SSPN: variants seen among roughly 807,000 people sequenced by gnomAD.
SSPN encodes sarcospan.
Under a neutral mutation model 19.1 loss-of-function variants are expected in SSPN, and 15 were observed. The ratio of observed to expected loss-of-function variants is 0.78; its 90% CI spans 0.52 to 1.21. The LOEUF is 1.21. Among genes scored for constraint, SSPN ranks in the 50% most tolerant of loss-of-function variants. The pLI is 0.00. For synonymous variants in SSPN, 147 were observed against 140.3 expected (o/e 1.05, Z -0.34); for missense variants, 291 against 314.0 (o/e 0.93, Z 0.55).
intron 1 of SSPN, among the ~76,000 whole-genome samples, chr12:26,209,088 C>T (rs1349347314): frequency 6.6e-6 from 1 of 151,676 alleles, no homozygotes; most frequent in African/African-American, 2.4e-5. Context: ...TTAGAATAGG[C>T]TTTTCAAGTT....
intron 1 of SSPN, among the ~76,000 whole-genome samples, chr12:26,182,808 G>C (rs1944728408): frequency 6.7e-6 from 1 of 149,798 alleles, no homozygotes; most frequent in African/African-American, 2.5e-5. Context: ...AGTCACCCAG[G>C]CTGAAGTGAA....
At chr12:26,196,027 ACCCAGCTGCATGTG>A in intron 1 of SSPN, 76 bp downstream of exon 1, 2 of 1,213,438 alleles carry the variant, frequency 1.6e-6, no homozygotes, top group Non-Finnish European at 2.2e-6. Flanking sequence ...GTTGAGACTA[ACCCAGCTGCATGTG>A]CCCTTCCCCG....
At chr12:26,177,354 AC>A (rs1944690653) in intron 1 of SSPN, among the ~76,000 whole-genome samples, 1 of 152,172 alleles carries the variant, frequency 6.6e-6, no homozygotes, top group Non-Finnish European at 1.5e-5. Flanking sequence ...ATGGCTCTAG[AC>A]ACTCAGATAA....
chr12:26,127,637 C>G (rs1243460148), intron 1 of SSPN, among the ~76,000 whole-genome samples: 1 of 152,036 alleles, frequency 6.6e-6, no homozygotes, highest in African/African-American at 2.4e-5. Context: ...TTCATTTCTT[C>G]TTTATCTTCC....
At chr12:26,195,466 T>A, upstream of SSPN, 1 of 892,822 alleles carries the variant, frequency 1.1e-6, no homozygotes, top group Non-Finnish European at 1.5e-6. Context: ...CCCGGCGCGT[T>A]GGCAGTTGGC....
chr12:26,127,414 A>G (rs967643228), intron 1 of SSPN, among the ~76,000 whole-genome samples: 5 of 152,132 alleles, frequency 3.3e-5, no homozygotes, highest in Admixed American at 1.3e-4. Flanking sequence ...TGACACATGA[A>G]GCTTTTTTCT....
At chr12:26,139,540 G>A (rs12321095) in intron 1 of SSPN, among the ~76,000 whole-genome samples, 1,582 of 152,178 alleles carry the variant, frequency 0.01, 26 homozygotes, top group African/African-American at 0.035. Flanking sequence ...CCAACAATTG[G>A]CAAAATAATA....
chr12:26,122,389 G>A (rs1173442692), intron 1 of SSPN: 1 of 1,251,228 alleles, frequency 8.0e-7, no homozygotes, highest in African/African-American at 1.6e-5. Context: ...GCCGGGTACA[G>A]ATACTTCTCC....
intron 1 of SSPN, among the ~76,000 whole-genome samples, chr12:26,144,052 T>C (rs1944475719): frequency 6.6e-6 from 1 of 152,230 alleles, no homozygotes; most frequent in Non-Finnish European, 1.5e-5. Flanking sequence ...AATTATTTCA[T>C]TCTATATTAC....
chr12:26,201,708 G>A (rs986001975), intron 1 of SSPN, among the ~76,000 whole-genome samples: 1 of 152,050 alleles, frequency 6.6e-6, no homozygotes, highest in Non-Finnish European at 1.5e-5. Flanking sequence ...CTTTTGAGAT[G>A]TCAGTCATCA....
intron 1 of SSPN, among the ~76,000 whole-genome samples, chr12:26,156,776 T>G (rs1944558354): frequency 6.6e-6 from 1 of 152,208 alleles, no homozygotes; most frequent in Admixed American, 6.5e-5. Context: ...GAAGTACGGT[T>G]GCTGTAGAGG....
At chr12:26,149,652 G>A (rs900465259) in intron 1 of SSPN, among the ~76,000 whole-genome samples, 1 of 152,174 alleles carries the variant, frequency 6.6e-6, no homozygotes, top group Admixed American at 6.5e-5. Flanking sequence ...TTTGTACTCA[G>A]TACCTGTTGC....
intron 1 of SSPN, among the ~76,000 whole-genome samples, chr12:26,157,493 C>T (rs567138294): frequency 1.3e-5 from 2 of 152,152 alleles, no homozygotes; most frequent in Admixed American, 6.5e-5. Context: ...CAAAAATTCA[C>T]ACTGGATATA....
chr12:26,137,372 G>A (rs915438402), intron 1 of SSPN, among the ~76,000 whole-genome samples: 1 of 152,058 alleles, frequency 6.6e-6, no homozygotes, highest in African/African-American at 2.4e-5. Flanking sequence ...GAGAAGCGAG[G>A]CTTCATTATG....
chr12:26,179,398 A>G (rs1944704328), intron 1 of SSPN, among the ~76,000 whole-genome samples: 1 of 152,100 alleles, frequency 6.6e-6, no homozygotes, highest in Non-Finnish European at 1.5e-5. Flanking sequence ...ACTCAAACTG[A>G]TGGATTTGAC....
At chr12:26,124,497 A>G in intron 1 of SSPN, 2 of 1,609,896 alleles carry the variant, frequency 1.2e-6, no homozygotes, top group Non-Finnish European at 1.7e-6. Flanking sequence ...GGTTATGAGG[A>G]ATATCGGGAA....
At chr12:26,195,044 A>G (rs953082817), upstream of SSPN, among the ~76,000 whole-genome samples, 1 of 152,188 alleles carries the variant, frequency 6.6e-6, no homozygotes, top group Non-Finnish European at 1.5e-5. Context: ...CAATTAGTCC[A>G]ATATCTTTAG....
chr12:26,169,200 T>G (rs1373394573), intron 1 of SSPN, among the ~76,000 whole-genome samples: 1 of 152,196 alleles, frequency 6.6e-6, no homozygotes, highest in Non-Finnish European at 1.5e-5. Context: ...CTAACTTTTT[T>G]TTTTGTTCTG....
chr12:26,229,437 CA>C (rs1945208587), intron 2 of SSPN, among the ~76,000 whole-genome samples: 1 of 152,194 alleles, frequency 6.6e-6, no homozygotes, highest in African/African-American at 2.4e-5. Context: ...GTAAATACAG[CA>C]TTCCAAATTT....
Sources: allele counts gnomAD v4.1 joint callset (sites outside exome capture counted in the v4.1 genomes callset), GRCh38; gene constraint gnomAD v4.1.1; transcripts MANE v1.5; gene names NCBI Gene and HGNC (gene_info 2026-07-23, HGNC 2026-07-21).